Variants in ERBB4 observed in about 807,000 individuals in gnomAD.
The protein encoded by ERBB4 is erb-b2 receptor tyrosine kinase 4.
ERBB4 carries 42 observed loss-of-function variants against 158.0 expected under a neutral mutation model. That is an observed-to-expected ratio of 0.27 (90% confidence interval 0.21 to 0.34). The LOEUF is 0.34. ERBB4 is among the 10% of genes least tolerant of loss of function. The pLI is 1.00. For missense variants in ERBB4, 1,333 were observed against 1,624.1 expected (o/e 0.82, Z 3.08); for synonymous variants, 583 against 558.7 (o/e 1.04, Z -0.61).
intron 13 of ERBB4, among the ~76,000 whole-genome samples, chr2:211,677,804 G>A (rs993678885): frequency 1.3e-5 from 2 of 152,280 alleles, no homozygotes; most frequent in Admixed American, 1.3e-4. Flanking sequence ...AACCTGGGTG[G>A]TGGAGCTTGC....
rs187421835 is a variant in ERBB4, at chr2:211,492,360, T to C, written c.2488-61260A>G. Among the ~76,000 whole-genome samples the C allele has an allele frequency of 2.3e-3, 357 of 152,240 alleles. 5 individuals carry two copies. The highest frequency in any genetic ancestry group is 0.015 in the Admixed American group (236 of 15,290). ...GGCCCTGCCACTTCTAGTAAAGTCTTGGATGAAGTACTGCATTTATAAGTT... is the reference window on the plus strand; with the variant it reads ...GGCCCTGCCACTTCTAGTAAAGTCTCGGATGAAGTACTGCATTTATAAGTT... On this transcript the variant is annotated intron_variant, in intron 20 of 27. Transcript: ENST00000342788.
chr2:212,329,817 A>T (rs2088045654), intron 1 of ERBB4, among the ~76,000 whole-genome samples: 2 of 152,098 alleles, frequency 1.3e-5, no homozygotes, highest in Admixed American at 1.3e-4. Flanking sequence ...ACCCAATCAG[A>T]AAAAGGTTCC....
At chr2:211,456,893 CT>C (rs1380434453) in intron 20 of ERBB4, among the ~76,000 whole-genome samples, 1 of 152,192 alleles carries the variant, frequency 6.6e-6, no homozygotes, top group Non-Finnish European at 1.5e-5. Flanking sequence ...CCTTCACCTT[CT>C]GCTCTGCGGC....
Position 211,596,068 on chromosome 2 carries a change from A to C in ERBB4, c.2301+23109T>G, listed in dbSNP as rs112106252. 6.2e-4 allele frequency among the ~76,000 whole-genome samples: 95 copies of C among 152,326 alleles called. 2 individuals are homozygous for C. The highest frequency in any genetic ancestry group is 2.3e-3 in the African/African-American group (94 of 41,578). ...GAAAAAAATACAATCATATTTCAAG[A>C]AAATTATAAAACTAAAGTATATCTG... On this transcript the variant is annotated intron_variant, in intron 19 of 27. Coordinates refer to ENST00000342788, the MANE Select transcript of ERBB4 (RefSeq NM_005235.3).
rs16846197 is a variant in ERBB4, at chr2:211,445,867, G to T, written c.2488-14767C>A. ...TTTATATGATGCATGAGAGGAGCCA[G>T]TGAGTCAGGAGATTGATGATACAGG... On this transcript the variant is annotated intron_variant, in intron 20 of 27. Coordinates refer to ENST00000342788, the MANE Select transcript of ERBB4 (RefSeq NM_005235.3). Among the ~76,000 whole-genome samples, 757 of 152,268 alleles carry T rather than the reference G, an allele frequency of 5.0e-3. 14 individuals are homozygous for T. In the East Asian group the frequency reaches 0.064, roughly 13 times the overall value.
chr2:212,266,596 T>C (rs1034951702), intron 1 of ERBB4, among the ~76,000 whole-genome samples: 1 of 151,978 alleles, frequency 6.6e-6, no homozygotes, highest in African/African-American at 2.4e-5. Context: ...GCCTCCTCTC[T>C]AGGAGATCAT....
chr2:211,824,668 G>C (rs553536802), intron 3 of ERBB4, among the ~76,000 whole-genome samples: 1 of 141,614 alleles, frequency 7.1e-6, no homozygotes, highest in African/African-American at 2.6e-5. Flanking sequence ...ATTTACAATA[G>C]AAAAGAAATG....
chr2:212,455,619 AAG>A (rs1688253189), intron 1 of ERBB4, among the ~76,000 whole-genome samples: 1 of 152,164 alleles, frequency 6.6e-6, no homozygotes, highest in African/African-American at 2.4e-5. Context: ...CCAAAGATGG[AAG>A]AGAGAGAGAT....
chr2:211,874,677 A>T (rs1371685527), intron 3 of ERBB4, among the ~76,000 whole-genome samples: 2 of 152,068 alleles, frequency 1.3e-5, no homozygotes, highest in Admixed American at 6.6e-5. Context: ...TTGTGAGTGT[A>T]AACTTGACTC....
chr2:211,544,671 A>G (rs916517116), intron 20 of ERBB4, among the ~76,000 whole-genome samples: 1 of 152,106 alleles, frequency 6.6e-6, no homozygotes, highest in African/African-American at 2.4e-5. Context: ...ATACTGTGTT[A>G]GGTACTTTGC....
chr2:212,470,971 AG>A (rs1689089752), intron 1 of ERBB4, among the ~76,000 whole-genome samples: 1 of 152,040 alleles, frequency 6.6e-6, no homozygotes, highest in Non-Finnish European at 1.5e-5. Context: ...CAACTAACCT[AG>A]ATGCTTTATA....
intron 12 of ERBB4, among the ~76,000 whole-genome samples, chr2:211,698,146 G>A (rs1425942059): frequency 1.3e-5 from 2 of 151,728 alleles, no homozygotes; most frequent in Non-Finnish European, 2.9e-5. Flanking sequence ...GAGAAACCCC[G>A]TCTCTACTAA....
intron 2 of ERBB4, among the ~76,000 whole-genome samples, chr2:212,095,479 GGAGTT>G (rs1433561228): frequency 6.6e-6 from 1 of 152,098 alleles, no homozygotes; most frequent in Non-Finnish European, 1.5e-5. Flanking sequence ...TAAATGTTTT[GGAGTT>G]AAGTGTGAGA....
At chr2:211,614,423 G>A (rs1382560654) in intron 19 of ERBB4, among the ~76,000 whole-genome samples, 2 of 151,962 alleles carry the variant, frequency 1.3e-5, no homozygotes, top group Non-Finnish European at 2.9e-5. Flanking sequence ...GAGTGTGATT[G>A]GATTGTTTGT....
chr2:211,717,497 C>T (rs2073956220), intron 7 of ERBB4, among the ~76,000 whole-genome samples: 1 of 152,160 alleles, frequency 6.6e-6, no homozygotes, highest in African/African-American at 2.4e-5. Flanking sequence ...TGTTTCATAA[C>T]AATGACTAGA....
At chr2:212,008,089 T>C (rs2076297786) in intron 2 of ERBB4, among the ~76,000 whole-genome samples, 1 of 152,080 alleles carries the variant, frequency 6.6e-6, no homozygotes, top group Admixed American at 6.5e-5. Context: ...CATTTTTCAT[T>C]TGAAAGATAT....
intron 2 of ERBB4, among the ~76,000 whole-genome samples, chr2:212,086,812 A>G (rs1483215745): frequency 6.6e-6 from 1 of 152,062 alleles, no homozygotes; most frequent in Non-Finnish European, 1.5e-5. Context: ...CATAGCCAGA[A>G]CCATCTAATC....
chr2:212,166,924 C>G (rs1054487487), intron 1 of ERBB4, among the ~76,000 whole-genome samples: 1 of 152,096 alleles, frequency 6.6e-6, no homozygotes. Flanking sequence ...TTCCTTACAC[C>G]TTATACAAAA....
chr2:211,428,244 T>TAAAATAAAATAAAATA (rs55915612), intron 22 of ERBB4, among the ~76,000 whole-genome samples, 164 bp downstream of exon 22: 2 of 129,496 alleles, frequency 1.5e-5, no homozygotes, highest in South Asian at 4.9e-4. Context: ...AAATAAAATA[T>TAAAATAAAATAAAATA]TTTTTTTTCA....
Sources: gnomAD v4.1 joint callset for allele counts (sites outside exome capture counted in the v4.1 genomes callset) on GRCh38, gnomAD v4.1.1 for gene constraint, MANE v1.5 for transcripts, NCBI Gene and HGNC (gene_info 2026-07-23, HGNC 2026-07-21) for gene names.